The following RAD23B variants were observed in gnomAD, a reference collection of about 807,000 sequenced individuals.
The protein encoded by RAD23B is RAD23 nucleotide excision repair protein B.
In RAD23B, 5 loss-of-function variants were observed where a neutral mutation model predicts 49.1. The ratio of observed to expected loss-of-function variants is 0.10; its 90% CI spans 0.05 to 0.21. The LOEUF (loss-of-function observed/expected upper bound fraction) is 0.21, where lower values mean the gene tolerates loss of function less well. RAD23B is among the 10% of genes least tolerant of loss of function. The probability of loss-of-function intolerance (pLI) is 1.00; values close to 1 mark genes in which losing one functional copy is unlikely to be tolerated. For missense variants in RAD23B, 356 were observed against 486.7 expected (o/e 0.73, Z 2.53); for synonymous variants, 184 against 165.4 (o/e 1.11, Z -0.86).
chr9:107,320,674 T>G (rs1827091791), intron 6 of RAD23B, among the ~76,000 whole-genome samples: 1 of 152,334 alleles, frequency 6.6e-6, no homozygotes, highest in African/African-American at 2.4e-5. Flanking sequence ...CTATGTAATG[T>G]GTGAGAATAG....
chr9:107,283,607 C>T lies in RAD23B; in HGVS notation c.-23C>T, dbSNP rs544212363. The T allele has an allele frequency of 1.1e-5, 16 of 1,468,818 alleles. No individual in the cohort carries two copies. The highest frequency in any genetic ancestry group is 9.1e-5 in the South Asian group (7 of 76,996). The allele number at this position is 1,468,818 out of a possible 1,614,324, so 91.0% of individuals were successfully genotyped here. On this transcript the variant is annotated 5_prime_UTR_variant, in exon 1 of 10. Coordinates refer to ENST00000358015, the MANE Select transcript of RAD23B (RefSeq NM_002874.5). ...CGGCCAGCACCCGGCGCAGGCCCGG[C>T]AGCCGAGCTGCGCGGCGGCACCATG...
Position 107,318,998 on chromosome 9 carries a change from T to C in RAD23B, c.681+119T>C, listed in dbSNP as rs1170751401. 6 of 745,528 alleles carry C rather than the reference T, an allele frequency of 8.0e-6. No individual in the cohort carries two copies. Among genetic ancestry groups the C allele is most frequent in the Non-Finnish European group, 7.4e-6 (4 of 543,536 alleles). The allele number at this position is 745,528 out of a possible 1,614,324, so 46.2% of individuals were successfully genotyped here. On this transcript the variant is annotated intron_variant, in intron 6 of 9. Coordinates refer to ENST00000358015, the MANE Select transcript of RAD23B (RefSeq NM_002874.5). This position sits in a 1 kb window ranked among gnomAD's most constrained non-coding sequence, Gnocchi z 4.3. The stretch of plus-strand genomic sequence containing the variant: ...ATATGCTAGATGATATACATAATGC[T>C]TTTTTTTTTCTAGTATGTTTGTATT...
intron 6 of RAD23B, among the ~76,000 whole-genome samples, chr9:107,319,128 C>CTT (rs56891354): frequency 0.15 from 14,565 of 97,308 alleles, 1,416 homozygotes; most frequent in Admixed American, 0.2. Flanking sequence ...TTTCTTTTTT[C>CTT]TTTTTTTTTT....
chr9:107,312,721 C>T (rs1052143475), intron 5 of RAD23B, among the ~76,000 whole-genome samples: 5 of 152,152 alleles, frequency 3.3e-5, no homozygotes, highest in Non-Finnish European at 7.4e-5. Flanking sequence ...GAGGGAAAGG[C>T]TTAATCTTAG....
intron 6 of RAD23B, among the ~76,000 whole-genome samples, chr9:107,319,692 C>T (rs756950694): frequency 2.6e-5 from 4 of 152,086 alleles, no homozygotes; most frequent in South Asian, 2.1e-4. Context: ...TACCTGGTTC[C>T]GTTGGCATTT....
chr9:107,301,893 A>G (rs530239428), intron 2 of RAD23B, 142 bp from the exon 3 acceptor site: 4 of 1,208,642 alleles, frequency 3.3e-6, no homozygotes, highest in East Asian at 5.6e-5. Context: ...CTTTGGGAAA[A>G]GTATTAACTG....
At chr9:107,319,067 A>C (rs528344025) in intron 6 of RAD23B, among the ~76,000 whole-genome samples, 188 bp downstream of exon 6, 1 of 151,054 alleles carries the variant, frequency 6.6e-6, no homozygotes, top group Admixed American at 6.6e-5. Flanking sequence ...ATGGTCCAAC[A>C]TTGTAGTAGC....
intron 1 of RAD23B, among the ~76,000 whole-genome samples, chr9:107,298,344 C>T (rs900774909): frequency 1.3e-5 from 2 of 151,992 alleles, no homozygotes; most frequent in East Asian, 1.9e-4. Flanking sequence ...GGCAGATTCT[C>T]ACTCTGTCAC....
chr9:107,300,234 A>G lies in RAD23B; in HGVS notation c.148+12A>G, dbSNP rs575173249. The G allele has an allele frequency of 6.3e-7, 1 of 1,594,654 alleles. No homozygotes were observed. Among genetic ancestry groups the G allele is most frequent in the East Asian group, 2.2e-5 (1 of 44,446 alleles). On this transcript the variant is annotated intron_variant, in intron 2 of 9. Transcript: ENST00000358015. ...ATTAATTTATGCAGGTATGAATTAA[A>G]TATTAAAATTAACATGCCATGTCTT...
At chr9:107,311,501 A>T (rs1826885692) in intron 4 of RAD23B, among the ~76,000 whole-genome samples, 181 bp from the exon 5 acceptor site, 1 of 152,184 alleles carries the variant, frequency 6.6e-6, no homozygotes, top group African/African-American at 2.4e-5. Flanking sequence ...TTCCCAAACC[A>T]CAAATGTTGT....
intron 5 of RAD23B, among the ~76,000 whole-genome samples, chr9:107,312,427 C>G (rs1826906520): frequency 6.6e-6 from 1 of 152,180 alleles, no homozygotes; most frequent in African/African-American, 2.4e-5. Context: ...CTTCTGGATT[C>G]CTGCTTAGCT....
At chr9:107,296,307 A>G (rs1182166967) in intron 1 of RAD23B, among the ~76,000 whole-genome samples, 3 of 152,194 alleles carry the variant, frequency 2.0e-5, no homozygotes, top group African/African-American at 7.2e-5. Context: ...GTTGCCCTCA[A>G]AAATTTTGAT....
Position 107,330,534 on chromosome 9 carries a change from C to G in RAD23B, c.*878C>G, listed in dbSNP as rs537003734. 8 of 152,744 alleles carry G rather than the reference C, an allele frequency of 5.2e-5. No individual in the cohort carries two copies. Among genetic ancestry groups the G allele is most frequent in the African/African-American group, 1.9e-4 (8 of 41,572 alleles). The allele number at this position is 152,744 out of a possible 1,614,324, so 9.5% of individuals were successfully genotyped here. A position where few individuals can be genotyped will look rare whatever the true frequency, so the allele number is the denominator to read the frequency against. ...GAAATGCAGCATTCACTCTCCCTGT[C>G]TTTTCCCCTTCCCTCAGCAGAAACG... On this transcript the variant is annotated 3_prime_UTR_variant, in exon 10 of 10. Transcript: ENST00000358015. The surrounding 1 kb of genome is among the most constrained non-coding windows in gnomAD (Gnocchi z 4.4).
At chr9:107,314,789 C>T (rs773527553) in intron 5 of RAD23B, among the ~76,000 whole-genome samples, 2 of 152,178 alleles carry the variant, frequency 1.3e-5, no homozygotes, top group African/African-American at 4.8e-5. Flanking sequence ...ACATTTCCGC[C>T]AGCAGTGTAT....
rs1288266411 is a variant in RAD23B at position 107,313,712 on chromosome 9, C to G, written c.553+1975C>G. ...CAAACTCGTATCTTCACATTGTCAA[C>G]TAGAAAACTTTAGAACCTCCATGAC... On this transcript the variant is annotated intron_variant, in intron 5 of 9. Coordinates refer to ENST00000358015, the MANE Select transcript of RAD23B (RefSeq NM_002874.5). Among the ~76,000 whole-genome samples, 2 of 152,198 alleles carry G rather than the reference C, an allele frequency of 1.3e-5. 1 individual carries two copies. Among genetic ancestry groups the G allele is most frequent in the Admixed American group, 1.3e-4 (2 of 15,282 alleles).
intron 1 of RAD23B, among the ~76,000 whole-genome samples, chr9:107,292,180 A>G (rs1262419137): frequency 6.6e-6 from 1 of 152,198 alleles, no homozygotes; most frequent in African/African-American, 2.4e-5. Flanking sequence ...TATATTGCAT[A>G]ATGTTCAAAT....
In RAD23B at chr9:107,330,654, G is replaced by C. The variant is rs961001651; in HGVS notation, c.*998G>C. 1.1e-4 allele frequency: 17 copies of C among 152,498 alleles called. No individual in the cohort carries two copies. Among genetic ancestry groups the C allele is most frequent in the Admixed American group, 1.1e-3 (17 of 15,264 alleles). 9.4% of individuals were successfully genotyped at this position (152,498 alleles called of 1,614,324 possible). A position where few individuals can be genotyped will look rare whatever the true frequency, so the allele number is the denominator to read the frequency against. On this transcript the variant is annotated 3_prime_UTR_variant, in exon 10 of 10. Transcript: ENST00000358015. The surrounding 1 kb of genome is among the most constrained non-coding windows in gnomAD (Gnocchi z 4.4). Reference sequence around the variant, plus strand: ...AATTAATGCAAATGTTTCAAAACTGGGTTTCTGATATTTGTAAATGTGTTT... The same window carrying C: ...AATTAATGCAAATGTTTCAAAACTGCGTTTCTGATATTTGTAAATGTGTTT...
Position 107,306,575 on chromosome 9 carries a change from C to T in RAD23B, c.425C>T (p.Ala142Val). 6.2e-7 allele frequency: 1 copy of T among 1,614,140 alleles called. No individual in the cohort carries two copies. The highest frequency in any genetic ancestry group is 8.5e-7 in the Non-Finnish European group (1 of 1,180,022). ...TCTTCTGAACCTGCACCTGCTAGTG[C>T]AGCTAAACAAGAGAAGCCTGCAGAA... ...TASSEPAPASAAKQEKPAEKP... is the reference protein window; with the variant it reads ...TASSEPAPASVAKQEKPAEKP... Residue 142 changes from alanine to valine, a missense_variant, in exon 4 of 10, where the codon GCA (alanine) becomes GTA (valine). This residue lies in a region of RAD23B where 137 missense variants were observed against 122.0 expected (regional missense o/e 1.12). Coordinates refer to ENST00000358015, the MANE Select transcript of RAD23B (RefSeq NM_002874.5).
intron 1 of RAD23B, 75 bp from the exon 2 acceptor site, chr9:107,300,066 C>T: frequency 7.9e-6 from 12 of 1,511,604 alleles, no homozygotes; most frequent in South Asian, 5.3e-5. Flanking sequence ...TTTTGTCTTC[C>T]ATTATTTATT....
Sources: gnomAD v4.1 joint callset for allele counts (sites outside exome capture counted in the v4.1 genomes callset) on GRCh38, gnomAD v4.1.1 for gene constraint, gnomAD v4.1.1 regional missense constraint, Gnocchi (gnomAD v3.1) non-coding constraint, MANE v1.5 for transcripts, NCBI Gene and HGNC (gene_info 2026-07-23, HGNC 2026-07-21) for gene names.